Variants in DTWD1 observed in about 807,000 individuals in gnomAD.
DTWD1 encodes the protein DTW motif tRNA-uridine aminocarboxypropyltransferase 1, also known as tRNA-uridine aminocarboxypropyltransferase 1.
Under a neutral mutation model 30.2 loss-of-function variants are expected in DTWD1, and 27 were observed. The ratio of observed to expected loss-of-function variants is 0.90; its 90% confidence interval spans 0.66 to 1.23. The LOEUF (loss-of-function observed/expected upper bound fraction) is 1.23. DTWD1 is among the 50% of genes most tolerant of loss of function. DTWD1 has a pLI of 0.00. For synonymous variants in DTWD1, 99 were observed against 113.1 expected, an observed-to-expected ratio of 0.88 and a Z score of 0.79; for missense variants, 342 against 348.8, an observed-to-expected ratio of 0.98 and a Z score of 0.15.
chr15:49,624,556 A>T (rs73406039), intron 1 of DTWD1, among the ~76,000 whole-genome samples: 289 of 152,296 alleles, frequency 1.9e-3, no homozygotes, highest in African/African-American at 6.6e-3. Context: ...ATAGGATAAT[A>T]TATTTTACCT....
chr15:49,626,644 G>T, intron 2 of DTWD1: 1 of 342,910 alleles, frequency 2.9e-6, no homozygotes, highest in Admixed American at 3.2e-5. Flanking sequence ...AAAAAAATAA[G>T]TTGTAGCTAT....
intron 2 of DTWD1, among the ~76,000 whole-genome samples, chr15:49,631,652 C>T (rs1265870986): frequency 1.3e-5 from 2 of 152,060 alleles, no homozygotes; most frequent in Admixed American, 6.5e-5. Context: ...GTAATGCCAG[C>T]TACTTGGGAG....
At chr15:49,640,790 G>C (rs904593575) in intron 4 of DTWD1, among the ~76,000 whole-genome samples, 1 of 151,848 alleles carries the variant, frequency 6.6e-6, no homozygotes, top group Non-Finnish European at 1.5e-5. Context: ...GAAATTCTTT[G>C]TATATTCTAG....
At chr15:49,634,448 T>G in intron 3 of DTWD1, 88 bp from the exon 4 acceptor site, 2 of 1,391,492 alleles carry the variant, frequency 1.4e-6, no homozygotes, top group Non-Finnish European at 1.9e-6. Context: ...ATATTCAACA[T>G]ATCTTTCTTA....
In DTWD1 at chr15:49,650,972, A is replaced by T; in HGVS notation, c.*7394A>T. 6.6e-6 allele frequency: 1 copy of T among 152,214 alleles called. No homozygotes were observed. The allele number at this position is 152,214 out of a possible 1,614,324, so 9.4% of individuals were successfully genotyped here. ...CATGTGGCACATGGAACAAAAGCCC[A>T]TGGCTCAAGGTGGTAACTTTTATTA... On this transcript the variant is annotated 3_prime_UTR_variant, in exon 5 of 5. Transcript: ENST00000403028.
At chr15:49,641,749 G>A (rs558464978) in intron 4 of DTWD1, among the ~76,000 whole-genome samples, 1 of 151,948 alleles carries the variant, frequency 6.6e-6, no homozygotes, top group East Asian at 1.9e-4. Context: ...TTTGACACTT[G>A]GAAGATATTA....
chr15:49,630,190 AGAG>A (rs1389597654), intron 2 of DTWD1, among the ~76,000 whole-genome samples: 11 of 152,348 alleles, frequency 7.2e-5, no homozygotes, highest in African/African-American at 2.4e-4. Context: ...GTTGATGGTG[AGAG>A]GAGAAGGAAG....
At chr15:49,627,634 A>G (rs567934651) in intron 2 of DTWD1, among the ~76,000 whole-genome samples, 3 of 152,340 alleles carry the variant, frequency 2.0e-5, no homozygotes, top group South Asian at 4.1e-4. Context: ...AAATCTGTAC[A>G]GCATGTTATT....
At chr15:49,636,020 C>T (rs541144108) in intron 4 of DTWD1, among the ~76,000 whole-genome samples, 1 of 152,234 alleles carries the variant, frequency 6.6e-6, no homozygotes, top group African/African-American at 2.4e-5. Context: ...AACCCCATCT[C>T]TAATCAATGA....
At chr15:49,626,719 C>A (rs1395948294) in intron 2 of DTWD1, 4 of 434,354 alleles carry the variant, frequency 9.2e-6, no homozygotes, top group Non-Finnish European at 1.9e-5. Context: ...AGTACTTTGA[C>A]ACTCATATTT....
chr15:49,626,341 A>G (rs1288353089), intron 2 of DTWD1, among the ~76,000 whole-genome samples: 1 of 152,160 alleles, frequency 6.6e-6, no homozygotes, highest in Admixed American at 6.5e-5. Context: ...AAAATAAAGT[A>G]AAATTTAAAA....
In DTWD1 at chr15:49,648,565, G is replaced by A. The variant is rs1206700499; in HGVS notation, c.*4987G>A. The A allele has an allele frequency of 6.6e-6, 1 of 152,190 alleles. No individual in the cohort carries two copies. Among genetic ancestry groups the A allele is most frequent in the Non-Finnish European group, 1.5e-5 (1 of 68,046 alleles). The allele number at this position is 152,190 out of a possible 1,614,324, so 9.4% of individuals were successfully genotyped here. A position where few individuals can be genotyped will look rare whatever the true frequency, so the allele number is the denominator to read the frequency against. On this transcript the variant is annotated 3_prime_UTR_variant, in exon 5 of 5. Transcript: ENST00000403028. ...TGATCCTGCCTTTGCTTCCCAAAGTGCTGGGATTAACAGGCCTGAGCCACA... is the reference window on the plus strand; with the variant it reads ...TGATCCTGCCTTTGCTTCCCAAAGTACTGGGATTAACAGGCCTGAGCCACA...
rs1388325160 is a variant in DTWD1 at position 49,651,926 on chromosome 15, G to A, written c.*8348G>A. Reference sequence around the variant, plus strand: ...TAGAACATTGGAACAACCTGCTGAAGGTACAGCTGAACACCAGCTCATAGG... The same window carrying A: ...TAGAACATTGGAACAACCTGCTGAAAGTACAGCTGAACACCAGCTCATAGG... On this transcript the variant is annotated 3_prime_UTR_variant, in exon 5 of 5. Coordinates refer to ENST00000403028, the MANE Select transcript of DTWD1 (RefSeq NM_001144955.2). 6.6e-6 allele frequency: 1 copy of A among 152,072 alleles called. No homozygotes were observed. The highest frequency in any genetic ancestry group is 1.5e-5 in the Non-Finnish European group (1 of 68,014). The allele number at this position is 152,072 out of a possible 1,614,324, so 9.4% of individuals were successfully genotyped here.
rs2079143024 is a variant in DTWD1 at position 49,649,924 on chromosome 15, C to T, written c.*6346C>T. On this transcript the variant is annotated 3_prime_UTR_variant, in exon 5 of 5. Coordinates refer to ENST00000403028, the MANE Select transcript of DTWD1 (RefSeq NM_001144955.2). Reference sequence around the variant, plus strand: ...AAGCAGAGTAAGGAACTGATAGTGACTGGTGCAGGAAAGGGGTGCCAGTTT... The same window carrying T: ...AAGCAGAGTAAGGAACTGATAGTGATTGGTGCAGGAAAGGGGTGCCAGTTT... 1 of 152,030 alleles carries T rather than the reference C, an allele frequency of 6.6e-6. No individual in the cohort carries two copies. Among genetic ancestry groups the T allele is most frequent in the South Asian group, 2.1e-4 (1 of 4,820 alleles). 9.4% of individuals were successfully genotyped at this position (152,030 alleles called of 1,614,324 possible). A position where few individuals can be genotyped will look rare whatever the true frequency, so the allele number is the denominator to read the frequency against.
In DTWD1 at chr15:49,643,554, G is replaced by T. The variant is rs371617788; in HGVS notation, c.891G>T (p.Lys297Asn). ...AGAATGCCAAATGCTCTGGAGATAAGGAAACAGGAAAACTTACACATTAGT... is the reference window on the plus strand; with the variant it reads ...AGAATGCCAAATGCTCTGGAGATAATGAAACAGGAAAACTTACACATTAGT... ...LIKNAKCSGD[K>N]ETGKLTH Residue 297 changes from lysine (K) to asparagine (N), a missense_variant, in exon 5 of 5, where the codon AAG becomes AAT. Lys to Asn is a moderately conservative substitution (Grantham distance 94). Transcript: ENST00000403028. 6 of 1,596,256 alleles carry T rather than the reference G, an allele frequency of 3.8e-6. No homozygotes were observed. Among genetic ancestry groups the T allele is most frequent in the Middle Eastern group, 1.7e-4 (1 of 6,000 alleles).
In DTWD1 at chr15:49,644,653, T is replaced by G. The variant is rs1407154757; in HGVS notation, c.*1075T>G. On this transcript the variant is annotated 3_prime_UTR_variant, in exon 5 of 5. Transcript: ENST00000403028. ...TCCTTTCCTGCCATGTCATCATCAG[T>G]TGGCTGTGTTCCTCTACTAAATAGT... The G allele has an allele frequency of 1.3e-5, 2 of 152,168 alleles. No individual in the cohort carries two copies. The highest frequency in any genetic ancestry group is 2.9e-5 in the Non-Finnish European group (2 of 68,030). The allele number at this position is 152,168 out of a possible 1,614,324, so 9.4% of individuals were successfully genotyped here.
chr15:49,636,497 C>T (rs148847283), intron 4 of DTWD1, among the ~76,000 whole-genome samples: 2,597 of 152,148 alleles, frequency 0.017, 36 homozygotes, highest in Middle Eastern at 0.037. Flanking sequence ...AAACTCGTCA[C>T]GGTTTATTTC....
At position 49,645,372 on chromosome 15, in the gene DTWD1, A is replaced by G. The variant is rs1435739963; in HGVS notation, c.*1794A>G. The G allele has an allele frequency of 6.6e-6, 1 of 152,194 alleles. No homozygotes were observed. The highest frequency in any genetic ancestry group is 2.4e-5 in the African/African-American group (1 of 41,460). The allele number at this position is 152,194 out of a possible 1,614,324, so 9.4% of individuals were successfully genotyped here. ...GGTTCAGTAAGGTCACCATTATATTATGCTATTCATAAAAAGGAATGTGGA... is the reference window on the plus strand; with the variant it reads ...GGTTCAGTAAGGTCACCATTATATTGTGCTATTCATAAAAAGGAATGTGGA... On this transcript the variant is annotated 3_prime_UTR_variant, in exon 5 of 5. Transcript: ENST00000403028.
At chr15:49,626,044 C>T (rs2078839905) in intron 2 of DTWD1, among the ~76,000 whole-genome samples, 1 of 151,836 alleles carries the variant, frequency 6.6e-6, no homozygotes. Flanking sequence ...GACCACTAAA[C>T]CTCTTTGTTT....
Sources: gnomAD v4.1 joint callset for allele counts (sites outside exome capture counted in the v4.1 genomes callset) on GRCh38, gnomAD v4.1.1 for gene constraint, MANE v1.5 for transcripts, NCBI Gene and HGNC (gene_info 2026-07-23, HGNC 2026-07-21) for gene names.